The following THADA variants were observed in gnomAD, a reference collection of about 807,000 sequenced individuals.
The protein encoded by THADA is THADA armadillo repeat containing.
THADA carries 213 observed loss-of-function variants against 219.8 expected under a neutral mutation model. The observed-to-expected ratio is 0.97, with a 90% CI of 0.87 to 1.09. The LOEUF is 1.09. Ranked by LOEUF, THADA falls within the 50% of genes least tolerant of loss-of-function variation. The pLI is 0.00. For synonymous variants in THADA, 1,018 were observed against 828.9 expected (o/e 1.23, Z -3.92); for missense variants, 2,956 against 2,311.3 (o/e 1.28, Z -5.72).
intron 29 of THADA, among the ~76,000 whole-genome samples, chr2:43,375,710 A>G (rs937431166): frequency 6.6e-6 from 1 of 152,218 alleles, no homozygotes; most frequent in African/African-American, 2.4e-5. Context: ...CCAAAAGAAT[A>G]TAACGCTGGT....
rs555584787 is a variant in THADA, at chr2:43,436,741, T to C, written c.3837-6439A>G. ...AGAAACTTTAAGATTTACCAGCTGA[T>C]TGTTCAATGGAGGCACTATCAACAT... On this transcript the variant is annotated intron_variant, in intron 26 of 37. Transcript: ENST00000405975. 5.9e-5 allele frequency among the ~76,000 whole-genome samples: 9 copies of C among 152,304 alleles called. 1 individual carries two copies. The South Asian group carries it at 1.5e-3, about 25-fold the overall frequency.
rs532855253 is a variant in THADA, at chr2:43,330,793, G to A, written c.4344-10253C>T. On this transcript the variant is annotated intron_variant, in intron 30 of 37. Transcript: ENST00000405975. ...TAAGAGAGGGCCCTTGGCAGCCCAA[G>A]GACATGGAGTTGTAGAATTTTCCAC... 2.9e-3 allele frequency among the ~76,000 whole-genome samples: 438 copies of A among 152,336 alleles called. 1 individual carries two copies. The highest frequency in any genetic ancestry group is 4.4e-3 in the Non-Finnish European group (299 of 68,036).
rs1444557215 is a variant in THADA at position 43,368,566 on chromosome 2, A to G, written c.4228-24329T>C. ...TGTGTGCCAGCCACCATGTCCGGCTATTTTTTTTTTTTGTGGAGACAGGGT... is the reference window on the plus strand; with the variant it reads ...TGTGTGCCAGCCACCATGTCCGGCTGTTTTTTTTTTTTGTGGAGACAGGGT... On this transcript the variant is annotated intron_variant, in intron 29 of 37. Transcript: ENST00000405975. 1.4e-5 allele frequency among the ~76,000 whole-genome samples: 2 copies of G among 142,912 alleles called. 1 individual carries two copies. Among genetic ancestry groups the G allele is most frequent in the South Asian group, 4.5e-4 (2 of 4,488 alleles). The allele number at this position is 142,912 out of a possible 152,430, so 93.8% of individuals were successfully genotyped here. A position where few individuals can be genotyped will look rare whatever the true frequency, so the allele number is the denominator to read the frequency against.
At chr2:43,529,291 C>T (rs1464879178) in intron 21 of THADA, among the ~76,000 whole-genome samples, 1 of 152,148 alleles carries the variant, frequency 6.6e-6, no homozygotes, top group Non-Finnish European at 1.5e-5. Context: ...ACCTTAGCCT[C>T]CTGAGCAGCT....
At chr2:43,297,454 G>C (rs1450077313) in intron 31 of THADA, among the ~76,000 whole-genome samples, 1 of 110,498 alleles carries the variant, frequency 9.0e-6, no homozygotes. Context: ...AGGTGGGGGG[G>C]GGTCAGCCCC....
chr2:43,247,754 A>ATG (rs1558462951), intron 36 of THADA, among the ~76,000 whole-genome samples: 3 of 130,738 alleles, frequency 2.3e-5, no homozygotes, highest in African/African-American at 2.9e-5. Context: ...AAAAAAAAAA[A>ATG]GGGGGGTGCT....
chr2:43,286,450 G>C (rs1047294391), intron 35 of THADA, among the ~76,000 whole-genome samples: 4 of 152,110 alleles, frequency 2.6e-5, no homozygotes, highest in Admixed American at 6.6e-5. Flanking sequence ...GGTTAAGAGT[G>C]TGTTGGTGGT....
intron 25 of THADA, among the ~76,000 whole-genome samples, chr2:43,495,706 G>C (rs1398663341): frequency 6.6e-6 from 1 of 152,126 alleles, no homozygotes; most frequent in Non-Finnish European, 1.5e-5. Flanking sequence ...CTCTCAGAAA[G>C]TCCTTTCACG....
At chr2:43,433,110 G>C (rs1048468355) in intron 26 of THADA, among the ~76,000 whole-genome samples, 2 of 152,008 alleles carry the variant, frequency 1.3e-5, no homozygotes, top group African/African-American at 4.8e-5. Flanking sequence ...TGAGGTCTAT[G>C]ATCCATTTAA....
At chr2:43,493,706 C>T (rs1030365778) in intron 25 of THADA, among the ~76,000 whole-genome samples, 2 of 152,134 alleles carry the variant, frequency 1.3e-5, no homozygotes, top group South Asian at 2.1e-4. Context: ...AGTAAATTCT[C>T]GGGTTCCACA....
At chr2:43,438,709 C>G (rs929113525) in intron 26 of THADA, among the ~76,000 whole-genome samples, 13 of 152,178 alleles carry the variant, frequency 8.5e-5, no homozygotes, top group Admixed American at 1.3e-4. Flanking sequence ...GTAGTCCCCC[C>G]CTTATCTGAG....
intron 26 of THADA, among the ~76,000 whole-genome samples, chr2:43,449,728 C>CA (rs1682075505): frequency 6.6e-6 from 1 of 152,076 alleles, no homozygotes; most frequent in African/African-American, 2.4e-5. Flanking sequence ...GTGATTGCAC[C>CA]ACTGCACTCC....
At chr2:43,436,777 A>G (rs1397434235) in intron 26 of THADA, among the ~76,000 whole-genome samples, 1 of 152,222 alleles carries the variant, frequency 6.6e-6, no homozygotes, top group Non-Finnish European at 1.5e-5. Context: ...ATGCTCCTCA[A>G]CTGACGTAGG....
At position 43,428,188 on chromosome 2, in the gene THADA, G is replaced by GT. The variant is rs1678749198; in HGVS notation, c.3969dup (p.Leu1324ThrfsTer41). 4.4e-6 allele frequency: 7 copies of GT among 1,607,634 alleles called. No homozygotes were observed. Among genetic ancestry groups the GT allele is most frequent in the Non-Finnish European group, 6.0e-6 (7 of 1,176,356 alleles). Reference sequence around the variant, plus strand: ...GCGTAGAGTCTCTCCAACACCAAAAGTAAGAGAAACATGCTTGGATGACGA... The same window carrying GT: ...GCGTAGAGTCTCTCCAACACCAAAAGTTAAGAGAAACATGCTTGGATGACGA... On this transcript the variant is annotated frameshift_variant, in exon 28 of 38. Coordinates refer to ENST00000405975, the MANE Select transcript of THADA (RefSeq NM_022065.5). LOFTEE classifies it high-confidence loss of function.
At position 43,519,766 on chromosome 2, in the gene THADA, G is replaced by A. The variant is rs191253463; in HGVS notation, c.3374+8113C>T. Among the ~76,000 whole-genome samples, 119 of 152,288 alleles carry A rather than the reference G, an allele frequency of 7.8e-4. 1 individual carries two copies. The highest frequency in any genetic ancestry group is 2.8e-4 in the Non-Finnish European group (19 of 68,028). ...GCAACTAGTGCTGGTGCCAGCTGGC[G>A]CACATTAGCTGTGCCTGCAGGTAGG... On this transcript the variant is annotated intron_variant, in intron 22 of 37. Transcript: ENST00000405975.
chr2:43,359,450 C>T (rs548298464), intron 29 of THADA, among the ~76,000 whole-genome samples: 110 of 152,258 alleles, frequency 7.2e-4, no homozygotes, highest in Non-Finnish European at 1.3e-3. Flanking sequence ...GAGGCTGAGG[C>T]GGGCAGATCA....
chr2:43,570,260 T>A, intron 14 of THADA, 128 bp downstream of exon 14: 1 of 940,190 alleles, frequency 1.1e-6, no homozygotes, highest in South Asian at 1.8e-5. Context: ...TAGGTAATAC[T>A]CAGCTTGAAG....
chr2:43,322,505 AAAAT>A (rs1170307797), intron 30 of THADA, among the ~76,000 whole-genome samples: 4 of 151,118 alleles, frequency 2.6e-5, no homozygotes, highest in Admixed American at 6.6e-5. Flanking sequence ...CTCTGTCTCA[AAAAT>A]AAATAAATAA....
At chr2:43,420,592 GC>G (rs932175409) in intron 28 of THADA, among the ~76,000 whole-genome samples, 12 of 152,284 alleles carry the variant, frequency 7.9e-5, no homozygotes, top group African/African-American at 2.9e-4. Flanking sequence ...CTGAAGAAAA[GC>G]TGGTCCCTAC....
Sources: allele counts gnomAD v4.1 joint callset (sites outside exome capture counted in the v4.1 genomes callset), GRCh38; gene constraint gnomAD v4.1.1; transcripts MANE v1.5; gene names NCBI Gene and HGNC (gene_info 2026-07-23, HGNC 2026-07-21).